HSF1: variants seen among roughly 807,000 people sequenced by gnomAD.
The protein encoded by HSF1 is heat shock factor protein 1.
In HSF1, 32 loss-of-function variants were observed where a neutral mutation model predicts 51.7. The observed-to-expected ratio is 0.62, with a 90% CI of 0.47 to 0.83. The LOEUF (loss-of-function observed/expected upper bound fraction) is 0.83, where lower values mean the gene tolerates loss of function less well. HSF1 is among the 40% of genes least tolerant of loss of function. The pLI, the probability that HSF1 is intolerant of heterozygous loss-of-function variation, is 0.00. For synonymous variants in HSF1, 396 were observed against 309.7 expected (o/e 1.28, Z -2.92); for missense variants, 727 against 717.0 (o/e 1.01, Z -0.16).
chr8:144,302,156 A>T (rs2130369599), intron 1 of HSF1, among the ~76,000 whole-genome samples: 1 of 151,038 alleles, frequency 6.6e-6, no homozygotes, highest in Non-Finnish European at 1.5e-5. Context: ...ACACAGCGAG[A>T]CTCCGTCTCC....
rs182556440 is a variant in HSF1, at chr8:144,295,875, T to G, written c.117+4001T>G. ...CCGCGCCTGGCCCTGAGGCATTCCT[T>G]TTTAAGACCTACCTGCATTCGGATG... On this transcript the variant is annotated intron_variant, in intron 1 of 12. Transcript: ENST00000528838. Among the ~76,000 whole-genome samples the G allele has an allele frequency of 5.3e-4, 81 of 152,340 alleles. No individual in the cohort carries two copies. The East Asian group carries it at 0.015, about 28-fold the overall frequency.
Position 144,311,747 on chromosome 8 carries a change from T to C in HSF1, c.771T>C (p.Ala257=). 1 of 1,612,904 alleles carries C rather than the reference T, an allele frequency of 6.2e-7. No homozygotes were observed. The highest frequency in any genetic ancestry group is 8.5e-7 in the Non-Finnish European group (1 of 1,179,758). The change falls in exon 8 of 13, where the codon GCT becomes GCC. Residue 257 remains alanine (A), a synonymous_variant. Transcript: ENST00000528838. ...YSSSSLYAPD[A]VASSGPIISD... ...GCTCCAGCCTCTACGCCCCTGATGC[T>C]GTGGCCAGCTCTGGACCCATCATCT... is the stretch of plus-strand genomic sequence containing the variant.
intron 4 of HSF1, chr8:144,310,773 A>C (rs1257877267): frequency 7.9e-6 from 2 of 252,480 alleles, no homozygotes; most frequent in African/African-American, 4.4e-5. Flanking sequence ...AGGACATGGG[A>C]CAGCCAGTGT....
At chr8:144,296,934 G>GC (rs1815507928) in intron 1 of HSF1, among the ~76,000 whole-genome samples, 2 of 152,122 alleles carry the variant, frequency 1.3e-5, no homozygotes, top group South Asian at 2.1e-4. Context: ...TGGTGGGGGG[G>GC]GTGCGGTGAG....
At position 144,311,345 on chromosome 8, in the gene HSF1, G is replaced by A. The variant is rs369105325; in HGVS notation, c.589G>A (p.Val197Met). Reference sequence around the variant, plus strand: ...GCTCATTCAGTTCCTGATCTCACTGGTGCAGTCAAACCGGATCCTGGGGGT... The same window carrying A: ...GCTCATTCAGTTCCTGATCTCACTGATGCAGTCAAACCGGATCCTGGGGGT... ...NKLIQFLISLVQSNRILGVKR... is the reference protein window; with the variant it reads ...NKLIQFLISLMQSNRILGVKR... The change falls in exon 6 of 13, where the codon GTG becomes ATG. Residue 197 changes from valine (V) to methionine (M), a missense_variant. By Grantham distance (21) the Val-to-Met change is conservative. Around this residue, in one of 2 missense-constraint regions of HSF1, gnomAD observed 257 missense variants for 318.3 expected, o/e 0.81. Coordinates refer to ENST00000528838, the MANE Select transcript of HSF1 (RefSeq NM_005526.4). The A allele has an allele frequency of 1.9e-6, 3 of 1,614,040 alleles. No homozygotes were observed. Among genetic ancestry groups the A allele is most frequent in the East Asian group, 2.2e-5 (1 of 44,892 alleles).
intron 1 of HSF1, 133 bp from the exon 2 acceptor site, chr8:144,308,773 C>T (rs781786438): frequency 4.1e-6 from 3 of 727,696 alleles, no homozygotes; most frequent in Non-Finnish European, 2.4e-6. Flanking sequence ...CCCCCTGGGC[C>T]TCCCATGGCC....
chr8:144,306,296 T>A (rs1758207268), intron 1 of HSF1, among the ~76,000 whole-genome samples: 2 of 151,010 alleles, frequency 1.3e-5, no homozygotes, highest in African/African-American at 4.9e-5. Flanking sequence ...TTTTTTCCCG[T>A]GTATGGGGTA....
chr8:144,300,991 A>G (rs1815825604), intron 1 of HSF1, among the ~76,000 whole-genome samples: 2 of 152,236 alleles, frequency 1.3e-5, no homozygotes. Context: ...CTGAACTAAA[A>G]GCAATGGAAA....
At chr8:144,307,094 G>C (rs1159764274) in intron 1 of HSF1, among the ~76,000 whole-genome samples, 5 of 152,228 alleles carry the variant, frequency 3.3e-5, no homozygotes, top group Non-Finnish European at 7.3e-5. Flanking sequence ...GTACACGGCT[G>C]CGAGATGTCC....
At position 144,312,264 on chromosome 8, in the gene HSF1, G is replaced by A; in HGVS notation, c.1142+20G>A. On this transcript the variant is annotated intron_variant, in intron 9 of 12. Coordinates refer to ENST00000528838, the MANE Select transcript of HSF1 (RefSeq NM_005526.4). ...GGACAAGTGAGTGCCGCCCACCCCT[G>A]GCCCCACCCACAGCGCCTGGACGCA... is the stretch of plus-strand genomic sequence containing the variant. The A allele has an allele frequency of 2.2e-6, 3 of 1,334,702 alleles. No individual in the cohort carries two copies. Among genetic ancestry groups the A allele is most frequent in the Non-Finnish European group, 9.9e-7 (1 of 1,014,726 alleles). The allele number at this position is 1,334,702 out of a possible 1,614,324, so 82.7% of individuals were successfully genotyped here.
chr8:144,310,317 G>A, intron 4 of HSF1: 1 of 163,954 alleles, frequency 6.1e-6, no homozygotes, highest in Non-Finnish European at 1.3e-5. Context: ...CATGGAGCTA[G>A]CCCCCAGCCC....
intron 2 of HSF1, 150 bp from the exon 3 acceptor site, chr8:144,309,305 C>A: frequency 1.8e-6 from 2 of 1,087,452 alleles, no homozygotes; most frequent in Non-Finnish European, 2.7e-6. Flanking sequence ...TAGACCAAGG[C>A]CACTCGGCCA....
At chr8:144,305,000 T>C (rs1202612307) in intron 1 of HSF1, among the ~76,000 whole-genome samples, 2 of 148,424 alleles carry the variant, frequency 1.3e-5, no homozygotes, top group African/African-American at 5.0e-5. Context: ...CAGGCTGGAG[T>C]GCAGTGGGGT....
Position 144,309,537 on chromosome 8 carries a change from C to G in HSF1, c.309C>G (p.Cys103Trp). 6.2e-7 allele frequency: 1 copy of G among 1,614,072 alleles called. No individual in the cohort carries two copies. Among genetic ancestry groups the G allele is most frequent in the Non-Finnish European group, 8.5e-7 (1 of 1,180,012 alleles). Reference sequence around the variant, plus strand: ...ACGACACGGAGTTCCAGCACCCATGCTTCCTGCGTGGCCAGGAGCAGCTCC... The same window carrying G: ...ACGACACGGAGTTCCAGCACCCATGGTTCCTGCGTGGCCAGGAGCAGCTCC... ...ERDDTEFQHP[C>W]FLRGQEQLLE... The change falls in exon 3 of 13, where the codon TGC becomes TGG. Residue 103 changes from cysteine to tryptophan, a missense_variant. Physicochemically the swap from Cys to Trp is radical, Grantham distance 215. Around this residue, in one of 2 missense-constraint regions of HSF1, gnomAD observed 257 missense variants for 318.3 expected, o/e 0.81. Coordinates refer to ENST00000528838, the MANE Select transcript of HSF1 (RefSeq NM_005526.4).
rs1362412107 is a variant in HSF1 at position 144,298,790 on chromosome 8, CAA to C, written c.117+6918_117+6919del. ...AGAAAGGAAGGAGTTACGCCCAAAA[CAA>C]AGAGCTCCAGCAATCTGCGCGTGAG... On this transcript the variant is annotated intron_variant, in intron 1 of 12. Coordinates refer to ENST00000528838, the MANE Select transcript of HSF1 (RefSeq NM_005526.4). Among the ~76,000 whole-genome samples, 7 of 152,280 alleles carry C rather than the reference CAA, an allele frequency of 4.6e-5. No individual in the cohort carries two copies. In the East Asian group the frequency reaches 7.7e-4, roughly 17 times the overall value.
At chr8:144,300,094 C>T (rs1326424811) in intron 1 of HSF1, among the ~76,000 whole-genome samples, 1 of 152,084 alleles carries the variant, frequency 6.6e-6, no homozygotes. Flanking sequence ...GACCCTCTTC[C>T]AAAGAGCAGA....
rs570523214 is a variant in HSF1, at chr8:144,297,665, G to A, written c.117+5791G>A. 7.9e-5 allele frequency among the ~76,000 whole-genome samples: 12 copies of A among 152,154 alleles called. No individual in the cohort carries two copies. Among genetic ancestry groups the A allele is most frequent in the South Asian group, 2.1e-4 (1 of 4,824 alleles). On this transcript the variant is annotated intron_variant, in intron 1 of 12. Transcript: ENST00000528838. The surrounding 1 kb of genome is among the most constrained non-coding windows in gnomAD (Gnocchi z 4.6). ...ACGTGGGCCACAGCTACTCACACAC[G>A]CGCTCCCTTTGCTCCTAAAGCCTAT...
intron 1 of HSF1, among the ~76,000 whole-genome samples, chr8:144,302,160 C>T (rs530598300): frequency 2.0e-5 from 3 of 150,800 alleles, no homozygotes; most frequent in African/African-American, 4.9e-5. Flanking sequence ...AGCGAGACTC[C>T]GTCTCCAAAA....
Position 144,314,261 on chromosome 8 carries a change from C to T in HSF1, c.1521C>T (p.Ala507=), listed in dbSNP as rs1817070059. 1.3e-6 allele frequency: 2 copies of T among 1,550,828 alleles called. No homozygotes were observed. The highest frequency in any genetic ancestry group is 1.7e-6 in the Non-Finnish European group (2 of 1,147,152). Residue 507 remains alanine (A), a synonymous_variant, in exon 13 of 13, where the codon GCC becomes GCT. Transcript: ENST00000528838. ...GSYFSEGDGF[A]EDPTISLLTG... ...ACTTCTCCGAAGGGGACGGCTTCGC[C>T]GAGGACCCCACCATCTCCCTGCTGA...
Sources: allele counts gnomAD v4.1 joint callset (sites outside exome capture counted in the v4.1 genomes callset), GRCh38; gene constraint gnomAD v4.1.1; regional missense constraint gnomAD v4.1.1; non-coding constraint Gnocchi (gnomAD v3.1); transcripts MANE v1.5; gene names NCBI Gene and HGNC (gene_info 2026-07-23, HGNC 2026-07-21).